The following RIC1 variants were observed in gnomAD, a reference collection of about 807,000 sequenced individuals.
RIC1 encodes guanine nucleotide exchange factor subunit RIC1.
Under a neutral mutation model 169.0 loss-of-function variants are expected in RIC1, and 88 were observed. The ratio of observed to expected loss-of-function variants is 0.52; its 90% confidence interval spans 0.44 to 0.62. The LOEUF (loss-of-function observed/expected upper bound fraction) is 0.62, where lower values mean the gene tolerates loss of function less well. Among genes scored for constraint, RIC1 ranks in the 20% least tolerant of loss-of-function variants. The pLI is 0.00. For missense variants in RIC1, 1,877 were observed against 1,725.5 expected, an observed-to-expected ratio of 1.09 and a Z score of -1.56; for synonymous variants, 790 against 601.5, an observed-to-expected ratio of 1.31 and a Z score of -4.59.
At chr9:5,770,785 C>G (rs1827163957) in intron 23 of RIC1, among the ~76,000 whole-genome samples, 1 of 152,080 alleles carries the variant, frequency 6.6e-6, no homozygotes, top group Non-Finnish European at 1.5e-5. Flanking sequence ...TGCCTCTTGG[C>G]CTTAAAAGCT....
At chr9:5,687,971 G>C (rs1821354251) in intron 2 of RIC1, among the ~76,000 whole-genome samples, 2 of 151,896 alleles carry the variant, frequency 1.3e-5, no homozygotes, top group South Asian at 4.1e-4. Flanking sequence ...GTGCTTTTCT[G>C]ATCATTGTCT....
chr9:5,752,737 A>C (rs957340906), intron 12 of RIC1, among the ~76,000 whole-genome samples: 19 of 152,268 alleles, frequency 1.2e-4, no homozygotes, highest in Admixed American at 5.9e-4. Flanking sequence ...CACCTGGCCT[A>C]AGCATTGCTG....
intron 1 of RIC1, among the ~76,000 whole-genome samples, chr9:5,653,933 T>G (rs1818945581): frequency 6.6e-6 from 1 of 152,198 alleles, no homozygotes; most frequent in African/African-American, 2.4e-5. Context: ...GTATCTTTCA[T>G]TAGTGTTTTG....
intron 2 of RIC1, among the ~76,000 whole-genome samples, chr9:5,668,772 T>C (rs945122658): frequency 2.6e-5 from 4 of 152,184 alleles, no homozygotes; most frequent in Non-Finnish European, 5.9e-5. Flanking sequence ...CTCATTTTGT[T>C]TAGACATTGT....
chr9:5,743,127 C>G (rs1825177624), intron 9 of RIC1, 114 bp downstream of exon 9: 1 of 912,272 alleles, frequency 1.1e-6, no homozygotes, highest in Middle Eastern at 3.0e-4. Context: ...TACCTTAAAA[C>G]AATTTGCAAA....
In RIC1 at chr9:5,747,431, C is replaced by T; in HGVS notation, c.1378C>T (p.Pro460Ser). 1 of 1,614,018 alleles carries T rather than the reference C, an allele frequency of 6.2e-7. No individual in the cohort carries two copies. The highest frequency in any genetic ancestry group is 8.5e-7 in the Non-Finnish European group (1 of 1,179,938). ...GCATAAGCCCAGTCGAGAAAAGAGC[C>T]CATTTGCAGATGGAGGTTTAGAGTC... Reference protein sequence around the residue: ...SEHKPSREKSPFADGGLESQG... With the variant: ...SEHKPSREKSSFADGGLESQG... The change falls in exon 12 of 26, where the codon CCA becomes TCA. Residue 460 changes from proline (P) to serine (S), a missense_variant. By Grantham distance (74) the Pro-to-Ser change is moderately conservative (BLOSUM62 -1). Transcript: ENST00000414202.
At position 5,629,470 on chromosome 9, in the gene RIC1, G is replaced by C. The variant is rs1479612910; in HGVS notation, c.144+17G>C. ...TACAGCCGAGTAAGTAGAGCCGCCCGCCGCCTTTCGCCGCTGCCTCCCCGG... is the reference window on the plus strand; with the variant it reads ...TACAGCCGAGTAAGTAGAGCCGCCCCCCGCCTTTCGCCGCTGCCTCCCCGG... On this transcript the variant is annotated intron_variant, in intron 1 of 25. Coordinates refer to ENST00000414202, the MANE Select transcript of RIC1 (RefSeq NM_020829.4). 1 of 1,522,562 alleles carries C rather than the reference G, an allele frequency of 6.6e-7. No homozygotes were observed. The highest frequency in any genetic ancestry group is 2.0e-5 in the Admixed American group (1 of 49,408). 94.3% of individuals were successfully genotyped at this position (1,522,562 alleles called of 1,614,324 possible). A position where few individuals can be genotyped will look rare whatever the true frequency, so the allele number is the denominator to read the frequency against.
At chr9:5,762,737 G>A (rs979895255) in intron 18 of RIC1, 77 bp downstream of exon 18, 26 of 1,502,484 alleles carry the variant, frequency 1.7e-5, no homozygotes, top group Non-Finnish European at 2.1e-5. Flanking sequence ...AACAATTTAA[G>A]AGAAGAGTAT....
chr9:5,678,455 G>C (rs996015997), intron 2 of RIC1, among the ~76,000 whole-genome samples: 3 of 151,792 alleles, frequency 2.0e-5, no homozygotes, highest in Non-Finnish European at 4.4e-5. Flanking sequence ...CTAGTTTACA[G>C]TCCCACCAAC....
intron 3 of RIC1, among the ~76,000 whole-genome samples, chr9:5,694,520 G>A (rs927641043): frequency 2.0e-5 from 3 of 152,136 alleles, no homozygotes; most frequent in African/African-American, 7.2e-5. Flanking sequence ...AAATGTACAT[G>A]GGTGACCTTT....
chr9:5,760,815 G>C (rs947818319), intron 17 of RIC1, among the ~76,000 whole-genome samples: 4 of 152,166 alleles, frequency 2.6e-5, no homozygotes, highest in African/African-American at 9.7e-5. Flanking sequence ...TTTGCAACTA[G>C]AATATATAGG....
At chr9:5,678,206 C>T (rs1820578166) in intron 2 of RIC1, among the ~76,000 whole-genome samples, 2 of 152,272 alleles carry the variant, frequency 1.3e-5, no homozygotes, top group Admixed American at 6.5e-5. Flanking sequence ...CATAGTATTC[C>T]ATGGTATATA....
intron 12 of RIC1, among the ~76,000 whole-genome samples, chr9:5,748,993 G>A (rs1563947831): frequency 1.3e-5 from 2 of 152,034 alleles, no homozygotes; most frequent in East Asian, 3.9e-4. Flanking sequence ...CACATTGATT[G>A]TTTTGTACTG....
chr9:5,738,610 A>G, intron 8 of RIC1, 72 bp downstream of exon 8: 1 of 888,958 alleles, frequency 1.1e-6, no homozygotes, highest in Non-Finnish European at 1.6e-6. Context: ...GCAGATGCTG[A>G]TTTTAAGTTA....
intron 2 of RIC1, among the ~76,000 whole-genome samples, chr9:5,675,092 G>C (rs1024399612): frequency 1.3e-5 from 2 of 152,308 alleles, no homozygotes; most frequent in South Asian, 4.1e-4. Context: ...GGAGGGGAAG[G>C]GGTTCTTATC....
Position 5,747,302 on chromosome 9 carries a change from A to G in RIC1, c.1249A>G (p.Ser417Gly). Residue 417 changes from serine to glycine, a missense_variant and splice_region_variant, in exon 12 of 26, where the codon AGT becomes GGT. Ser to Gly is a moderately conservative substitution (Grantham distance 56). Coordinates refer to ENST00000414202, the MANE Select transcript of RIC1 (RefSeq NM_020829.4). Reference sequence around the variant, plus strand: ...TTTTGTTCCTCTTTCCCTCATTTAGAGTAACCAAGAGCAGGTGTTGCTTCA... The same window carrying G: ...TTTTGTTCCTCTTTCCCTCATTTAGGGTAACCAAGAGCAGGTGTTGCTTCA... ...KSVLTVNPCM[S>G]NQEQVLLQGE... The G allele has an allele frequency of 6.2e-7, 1 of 1,613,458 alleles. No individual in the cohort carries two copies. Among genetic ancestry groups the G allele is most frequent in the Non-Finnish European group, 8.5e-7 (1 of 1,179,466 alleles).
intron 1 of RIC1, among the ~76,000 whole-genome samples, chr9:5,639,473 G>GT (rs979863132): frequency 6.6e-6 from 1 of 152,114 alleles, no homozygotes; most frequent in Non-Finnish European, 1.5e-5. Context: ...TATTATTTCA[G>GT]TTTTTTTGAA....
At chr9:5,651,958 C>G (rs1261541584) in intron 1 of RIC1, among the ~76,000 whole-genome samples, 1 of 152,122 alleles carries the variant, frequency 6.6e-6, no homozygotes, top group Non-Finnish European at 1.5e-5. Context: ...TTTCCCAGCA[C>G]CATTTATTAG....
rs950604156 is a variant in RIC1 at position 5,685,963 on chromosome 9, G to A, written c.253-3996G>A. Reference sequence around the variant, plus strand: ...CAAACAAACCCATCAAAAAGTGGGCGAAGGACATGAACAGACACTTCTGAA... The same window carrying A: ...CAAACAAACCCATCAAAAAGTGGGCAAAGGACATGAACAGACACTTCTGAA... On this transcript the variant is annotated intron_variant, in intron 2 of 25. Transcript: ENST00000414202. Among the ~76,000 whole-genome samples, 194 of 151,960 alleles carry A rather than the reference G, an allele frequency of 1.3e-3. 1 individual carries two copies. The highest frequency in any genetic ancestry group is 3.9e-3 in the African/African-American group (163 of 41,452).
Sources: gnomAD v4.1 joint callset for allele counts (sites outside exome capture counted in the v4.1 genomes callset) on GRCh38, gnomAD v4.1.1 for gene constraint, MANE v1.5 for transcripts, NCBI Gene and HGNC (gene_info 2026-07-23, HGNC 2026-07-21) for gene names.